SV2C: variants seen among roughly 807,000 people sequenced by gnomAD.
SV2C encodes synaptic vesicle glycoprotein 2C.
SV2C carries 49 observed loss-of-function variants against 79.7 expected under a neutral mutation model. The ratio of observed to expected loss-of-function variants is 0.61; its 90% CI spans 0.49 to 0.78. The LOEUF is 0.78. Among genes scored for constraint, SV2C ranks in the 30% least tolerant of loss-of-function variants. The probability of loss-of-function intolerance (pLI) is 0.00; values close to 1 mark genes in which losing one functional copy is unlikely to be tolerated. For missense variants in SV2C, 833 were observed against 912.9 expected (o/e 0.91, Z 1.13); for synonymous variants, 334 against 333.2 (o/e 1.00, Z -0.03).
chr5:76,267,174 A>T (rs760685552), intron 4 of SV2C, among the ~76,000 whole-genome samples: 12 of 152,226 alleles, frequency 7.9e-5, no homozygotes, highest in Non-Finnish European at 1.2e-4. Context: ...TCATAGTAAC[A>T]TGTGGGAATG....
At chr5:76,173,955 C>G in intron 2 of SV2C, 2 of 1,566,950 alleles carry the variant, frequency 1.3e-6, no homozygotes, top group Non-Finnish European at 1.8e-6. Flanking sequence ...AATGCAAACC[C>G]TTGTCCATTT....
intron 1 of SV2C, among the ~76,000 whole-genome samples, chr5:76,111,743 TC>T (rs1748105280): frequency 6.6e-6 from 1 of 152,222 alleles, no homozygotes; most frequent in Non-Finnish European, 1.5e-5. Flanking sequence ...TTTCTCCTGT[TC>T]CTGCATCGTG....
intron 4 of SV2C, among the ~76,000 whole-genome samples, chr5:76,261,659 T>C (rs1746473984): frequency 6.6e-6 from 1 of 152,188 alleles, no homozygotes; most frequent in East Asian, 1.9e-4. Context: ...TGAAGGAGTG[T>C]CGAATTTTAT....
chr5:76,336,957 T>C (rs1236501327), downstream of SV2C, among the ~76,000 whole-genome samples: 1 of 152,202 alleles, frequency 6.6e-6, no homozygotes, highest in African/African-American at 2.4e-5. Flanking sequence ...CATGGACCAG[T>C]GGCTCCAAAG....
At chr5:76,298,963 C>T in intron 10 of SV2C, 36 bp downstream of exon 10, 1 of 1,605,810 alleles carries the variant, frequency 6.2e-7, no homozygotes, top group East Asian at 2.2e-5. Context: ...CTACCTGAGG[C>T]CTCTCCAAAG....
At chr5:76,337,493 G>A (rs1298545358), downstream of SV2C, among the ~76,000 whole-genome samples, 1 of 152,182 alleles carries the variant, frequency 6.6e-6, no homozygotes, top group East Asian at 1.9e-4. Context: ...GCCCAATTCA[G>A]CATTGTCCCA....
At chr5:76,035,357 G>C in the SV2C span, among the ~76,000 whole-genome samples, 1 of 151,744 alleles carries the variant, frequency 6.6e-6, no homozygotes. Flanking sequence ...GGCAATTTTG[G>C]ATCTTTCCTC....
chr5:76,296,552 A>ATTCT (rs1561303575), intron 9 of SV2C, among the ~76,000 whole-genome samples: 1 of 152,212 alleles, frequency 6.6e-6, no homozygotes, highest in East Asian at 1.9e-4. Context: ...GTCCTGGGTC[A>ATTCT]TTCTTTTAGA....
chr5:76,189,861 A>G (rs1744040889), intron 2 of SV2C, among the ~76,000 whole-genome samples: 1 of 152,150 alleles, frequency 6.6e-6, no homozygotes. Context: ...TTCTTTTGCA[A>G]GTCATCTTCC....
chr5:76,033,679 C>T, the SV2C span, among the ~76,000 whole-genome samples: 20 of 152,130 alleles, frequency 1.3e-4, no homozygotes, highest in Non-Finnish European at 2.4e-4. Context: ...AGTCAGGTAG[C>T]ATGATGCCTC....
the SV2C span, among the ~76,000 whole-genome samples, chr5:75,997,234 G>A: frequency 6.6e-6 from 1 of 152,156 alleles, no homozygotes; most frequent in Admixed American, 6.6e-5. Flanking sequence ...CTGCATGTTT[G>A]AGATAATCAT....
At chr5:76,142,004 A>G (rs1221426638) in intron 2 of SV2C, among the ~76,000 whole-genome samples, 1 of 152,142 alleles carries the variant, frequency 6.6e-6, no homozygotes, top group African/African-American at 2.4e-5. Flanking sequence ...TCTAACATCC[A>G]AGTATTCTCA....
intron 1 of SV2C, among the ~76,000 whole-genome samples, chr5:76,119,165 A>C (rs924994949): frequency 3.9e-4 from 60 of 152,300 alleles, no homozygotes; most frequent in African/African-American, 1.4e-3. Flanking sequence ...ATAGGAAAAA[A>C]ATGGTAGAAG....
chr5:76,227,042 G>T (rs1264899207), intron 4 of SV2C, among the ~76,000 whole-genome samples: 1 of 152,206 alleles, frequency 6.6e-6, no homozygotes, highest in Non-Finnish European at 1.5e-5. Context: ...GGAAAGGAAG[G>T]ACCTCAGGGG....
In SV2C at chr5:76,327,919, G is replaced by A. The variant is rs571907857; in HGVS notation, c.*2372G>A. 6 of 152,340 alleles carry A rather than the reference G, an allele frequency of 3.9e-5. No homozygotes were observed. The highest frequency in any genetic ancestry group is 8.8e-5 in the Non-Finnish European group (6 of 68,062). 9.4% of individuals were successfully genotyped at this position (152,340 alleles called of 1,614,324 possible). A position where few individuals can be genotyped will look rare whatever the true frequency, so the allele number is the denominator to read the frequency against. The stretch of plus-strand genomic sequence containing the variant: ...CTGCCATCCGTGTCCCCTGCAGAAG[G>A]ACCGTTCTTGGCCTACTTGTTACCT... On this transcript the variant is annotated 3_prime_UTR_variant, in exon 13 of 13. Transcript: ENST00000502798.
chr5:76,257,336 CTG>C (rs773507133), intron 4 of SV2C, among the ~76,000 whole-genome samples: 16 of 145,740 alleles, frequency 1.1e-4, no homozygotes, highest in Non-Finnish European at 2.1e-4. Flanking sequence ...TGTGTGGTAT[CTG>C]TATGGTGTGT....
At chr5:76,343,610 G>A (rs1199478227) in intron 12 of SV2C, among the ~76,000 whole-genome samples, 2 of 152,232 alleles carry the variant, frequency 1.3e-5, no homozygotes, top group Non-Finnish European at 2.9e-5. Flanking sequence ...CACTGCTGAG[G>A]AGGGGGGCAA....
the SV2C span, chr5:75,920,624 C>T: frequency 1.3e-3 from 755 of 589,724 alleles, 1 homozygote; most frequent in Middle Eastern, 5.7e-3. Context: ...GCCAGCACTG[C>T]ATAGGGAGTG....
At chr5:75,877,598 C>CA in the SV2C span, among the ~76,000 whole-genome samples, 6,759 of 132,968 alleles carry the variant, frequency 0.051, 353 homozygotes, top group African/African-American at 0.17. Flanking sequence ...AAATCAATAG[C>CA]AAAAAAAAAA....
Sources: gnomAD v4.1 joint callset for allele counts (sites outside exome capture counted in the v4.1 genomes callset) on GRCh38, gnomAD v4.1.1 for gene constraint, MANE v1.5 for transcripts, NCBI Gene and HGNC (gene_info 2026-07-23, HGNC 2026-07-21) for gene names.